The following ADAM17 variants were observed in gnomAD, a reference collection of about 807,000 sequenced individuals.
The protein encoded by ADAM17 is disintegrin and metalloproteinase domain-containing protein 17.
A neutral mutation model predicts 96.7 loss-of-function variants in ADAM17; 39 were observed. The observed-to-expected ratio is 0.40, with a 90% CI of 0.31 to 0.53. The LOEUF (loss-of-function observed/expected upper bound fraction) is 0.53. Ranked by LOEUF, ADAM17 falls within the 20% of genes least tolerant of loss-of-function variation. The pLI, the probability that ADAM17 is intolerant of heterozygous loss-of-function variation, is 0.44. For synonymous variants in ADAM17, 344 were observed against 359.2 expected (o/e 0.96, Z 0.48); for missense variants, 777 against 1,013.2 (o/e 0.77, Z 3.17).
intron 4 of ADAM17, among the ~76,000 whole-genome samples, chr2:9,531,664 T>C (rs952425043): frequency 2.0e-5 from 3 of 152,152 alleles, no homozygotes; most frequent in African/African-American, 7.2e-5. Context: ...ATTGCGCCAC[T>C]GCACTCCAGC....
chr2:9,538,596 T>C (rs1665083075), intron 2 of ADAM17, among the ~76,000 whole-genome samples: 1 of 152,218 alleles, frequency 6.6e-6, no homozygotes, highest in Admixed American at 6.5e-5. Flanking sequence ...AAGCTAAGAG[T>C]TGCAACATTA....
Position 9,555,510 on chromosome 2 carries a change from G to T in ADAM17, c.96C>A (p.Leu32=). 6.3e-7 allele frequency: 1 copy of T among 1,593,062 alleles called. No homozygotes were observed. The highest frequency in any genetic ancestry group is 2.3e-5 in the East Asian group (1 of 43,946). The part of the protein sequence containing the change: ...DDPGFGPHQR[L]EKLDSLLSDY... ...AAGCCAACTCCCCTGGGTCTTTACCGAGTCTCTGGTGGGGGCCGAAGCCCG... is the reference window on the plus strand; with the variant it reads ...AAGCCAACTCCCCTGGGTCTTTACCTAGTCTCTGGTGGGGGCCGAAGCCCG... Residue 32 remains leucine (L), a splice_region_variant and synonymous_variant, in exon 1 of 19, where the codon CTC becomes CTA. Coordinates refer to ENST00000310823, the MANE Select transcript of ADAM17 (RefSeq NM_003183.6).
intron 2 of ADAM17, among the ~76,000 whole-genome samples, chr2:9,541,955 G>T (rs1021046857): frequency 6.6e-6 from 1 of 152,228 alleles, no homozygotes. Flanking sequence ...CACAAGAATC[G>T]CTTGAACCCA....
At chr2:9,490,794 C>T (rs1358425122) in intron 18 of ADAM17, among the ~76,000 whole-genome samples, 1 of 152,186 alleles carries the variant, frequency 6.6e-6, no homozygotes, top group Non-Finnish European at 1.5e-5. Flanking sequence ...AAAGAGGATT[C>T]AAACCTCTCA....
intron 2 of ADAM17, among the ~76,000 whole-genome samples, chr2:9,538,675 T>C (rs1057289741): frequency 6.6e-6 from 1 of 152,236 alleles, no homozygotes; most frequent in African/African-American, 2.4e-5. Context: ...GAATCTTTTC[T>C]AAAGATAAAG....
intron 1 of ADAM17, among the ~76,000 whole-genome samples, chr2:9,545,796 G>T (rs994716102): frequency 6.6e-6 from 1 of 152,006 alleles, no homozygotes; most frequent in Non-Finnish European, 1.5e-5. Context: ...TTCACAAAAG[G>T]TTTTTAAGAA....
At chr2:9,514,518 A>AATAAATATATAT (rs1300782665) in intron 10 of ADAM17, among the ~76,000 whole-genome samples, 1 of 89,858 alleles carries the variant, frequency 1.1e-5, no homozygotes, top group African/African-American at 4.4e-5. Flanking sequence ...TTAAAATATA[A>AATAAATATATAT]ATATATATAT....
chr2:9,498,468 A>G (rs1662781263), intron 13 of ADAM17, among the ~76,000 whole-genome samples: 2 of 152,244 alleles, frequency 1.3e-5, no homozygotes. Context: ...AAAACACTTT[A>G]TGAAAGCAAT....
At chr2:9,525,114 G>A (rs943397670) in intron 6 of ADAM17, among the ~76,000 whole-genome samples, 2 of 152,006 alleles carry the variant, frequency 1.3e-5, no homozygotes, top group African/African-American at 4.8e-5. Context: ...GAATCACAGT[G>A]ACTCTTACTA....
At chr2:9,496,128 CTTAT>C (rs947100352) in intron 14 of ADAM17, among the ~76,000 whole-genome samples, 18 of 151,640 alleles carry the variant, frequency 1.2e-4, no homozygotes, top group South Asian at 4.2e-4. Context: ...TTATTTTTTA[CTTAT>C]TTATTTATTT....
intron 1 of ADAM17, among the ~76,000 whole-genome samples, chr2:9,547,980 T>C: frequency 6.6e-6 from 1 of 151,782 alleles, no homozygotes; most frequent in African/African-American, 2.4e-5. Flanking sequence ...GGTGGGAGGA[T>C]GGCTTGAGCT....
chr2:9,546,682 A>C (rs182454042), intron 1 of ADAM17, among the ~76,000 whole-genome samples: 3 of 150,868 alleles, frequency 2.0e-5, no homozygotes, highest in Non-Finnish European at 3.0e-5. Flanking sequence ...ACACTGCCGC[A>C]CTGTCTATCT....
intron 10 of ADAM17, among the ~76,000 whole-genome samples, chr2:9,511,247 G>A (rs760460738): frequency 1.3e-5 from 2 of 151,918 alleles, no homozygotes; most frequent in South Asian, 2.1e-4. Context: ...TCAGGAGTTC[G>A]AGACCAGCCT....
intron 14 of ADAM17, among the ~76,000 whole-genome samples, chr2:9,495,112 C>A (rs1662472338): frequency 6.6e-6 from 1 of 152,242 alleles, no homozygotes; most frequent in African/African-American, 2.4e-5. Flanking sequence ...ACCCTGCTGA[C>A]TTCAATCCTT....
intron 14 of ADAM17, among the ~76,000 whole-genome samples, chr2:9,495,998 C>G (rs188397090): frequency 1.3e-5 from 2 of 152,044 alleles, no homozygotes; most frequent in Admixed American, 1.3e-4. Context: ...CTGCCCTCAA[C>G]CTATCTTCTT....
At chr2:9,536,512 T>C (rs1268557963) in intron 3 of ADAM17, among the ~76,000 whole-genome samples, 186 bp downstream of exon 3, 2 of 152,200 alleles carry the variant, frequency 1.3e-5, no homozygotes, top group African/African-American at 4.8e-5. Flanking sequence ...ATTTAGATAA[T>C]ACTCATTTCC....
chr2:9,545,711 A>G (rs1286213127), intron 1 of ADAM17, among the ~76,000 whole-genome samples: 4 of 152,230 alleles, frequency 2.6e-5, no homozygotes, highest in African/African-American at 9.6e-5. Flanking sequence ...ATGGTAAATT[A>G]GTAACTGTGA....
intron 1 of ADAM17, among the ~76,000 whole-genome samples, chr2:9,545,340 G>T (rs938859045): frequency 2.0e-5 from 3 of 152,112 alleles, no homozygotes; most frequent in Admixed American, 2.0e-4. Flanking sequence ...AGGCAGAGGC[G>T]GGTGGATCAC....
At chr2:9,530,505 T>C (rs780828564) in intron 4 of ADAM17, among the ~76,000 whole-genome samples, 3 of 152,220 alleles carry the variant, frequency 2.0e-5, no homozygotes, top group Non-Finnish European at 4.4e-5. Flanking sequence ...AAAGTGGTTG[T>C]TATTAATAAA....
Sources: gnomAD v4.1 joint callset for allele counts (sites outside exome capture counted in the v4.1 genomes callset) on GRCh38, gnomAD v4.1.1 for gene constraint, MANE v1.5 for transcripts, NCBI Gene and HGNC (gene_info 2026-07-23, HGNC 2026-07-21) for gene names.